Variants in EFCAB6 observed in about 807,000 individuals in gnomAD.
EFCAB6 encodes the protein EF-hand calcium binding domain 6.
A neutral mutation model predicts 169.8 loss-of-function variants in EFCAB6; 156 were observed. That is an observed-to-expected ratio of 0.92 (90% confidence interval 0.81 to 1.05). The LOEUF (loss-of-function observed/expected upper bound fraction) is 1.05. EFCAB6 is among the 50% of genes least tolerant of loss of function. EFCAB6 has a pLI of 0.00. For synonymous variants in EFCAB6, 698 were observed against 676.4 expected (o/e 1.03, Z -0.50); for missense variants, 1,800 against 1,829.1 (o/e 0.98, Z 0.29).
intron 17 of EFCAB6, among the ~76,000 whole-genome samples, chr22:43,639,678 T>C (rs137738): frequency 0.55 from 83,932 of 151,978 alleles, 23,487 homozygotes; most frequent in East Asian, 0.77. Flanking sequence ...ATATTAGGGC[T>C]TTTCACCAAA....
At chr22:43,629,195 A>G (rs567254115) in intron 19 of EFCAB6, among the ~76,000 whole-genome samples, 83 of 152,298 alleles carry the variant, frequency 5.4e-4, no homozygotes, top group African/African-American at 1.9e-3. Flanking sequence ...GAGATCATAC[A>G]TGGCTAATCT....
intron 24 of EFCAB6, among the ~76,000 whole-genome samples, chr22:43,589,679 T>C (rs891635729): frequency 2.0e-5 from 3 of 152,086 alleles, no homozygotes; most frequent in Admixed American, 6.6e-5. Context: ...TCCCAGCTAC[T>C]TGGGAGCCTG....
rs1047830437 is a variant in EFCAB6 at position 43,795,005 on chromosome 22, G to C, written c.-7-12680C>G. On this transcript the variant is annotated intron_variant, in intron 2 of 31. Coordinates refer to ENST00000262726, the MANE Select transcript of EFCAB6 (RefSeq NM_022785.4). The surrounding 1 kb of genome is among the most constrained non-coding windows in gnomAD (Gnocchi z 4.2). ...ACTATGGCCACGCATTTGGGACACA[G>C]TCTCCCTCCACCAAGGAGCTCCCCA... Among the ~76,000 whole-genome samples, 7 of 152,132 alleles carry C rather than the reference G, an allele frequency of 4.6e-5. No homozygotes were observed. Among genetic ancestry groups the C allele is most frequent in the African/African-American group, 1.7e-4 (7 of 41,400 alleles).
rs540520737 is a variant in EFCAB6, at chr22:43,633,752, C to T, written c.2098+1350G>A. ...GTGGGCAGATGGATGGGGGACAGGG[C>T]GCCCCAAGCTCGTGGGCATCCTCTG... is the stretch of plus-strand genomic sequence containing the variant. On this transcript the variant is annotated intron_variant, in intron 18 of 31. Transcript: ENST00000262726. Among the ~76,000 whole-genome samples, 62 of 152,252 alleles carry T rather than the reference C, an allele frequency of 4.1e-4. No homozygotes were observed. In the Middle Eastern group the frequency reaches 0.02, roughly 50 times the overall value.
chr22:43,749,070 T>C (rs1183621086), intron 6 of EFCAB6, among the ~76,000 whole-genome samples: 1 of 152,092 alleles, frequency 6.6e-6, no homozygotes, highest in Non-Finnish European at 1.5e-5. Context: ...GCAGTAGGGA[T>C]GGATCAGAAG....
chr22:43,660,889 G>C (rs1335126348), intron 17 of EFCAB6, among the ~76,000 whole-genome samples: 1 of 152,146 alleles, frequency 6.6e-6, no homozygotes, highest in African/African-American at 2.4e-5. Context: ...TGTTCTCAGA[G>C]ACAAAAATAA....
At chr22:43,652,165 T>A (rs888869639) in intron 17 of EFCAB6, among the ~76,000 whole-genome samples, 5 of 152,182 alleles carry the variant, frequency 3.3e-5, no homozygotes, top group Admixed American at 6.5e-5. Context: ...TCATCTTGAA[T>A]TCCCATGTGT....
In EFCAB6 at chr22:43,765,370, A is replaced by T; in HGVS notation, c.375T>A (p.Thr125=). The change falls in exon 5 of 32, where the codon ACT becomes ACA. Residue 125 remains threonine (T), a synonymous_variant. Coordinates refer to ENST00000262726, the MANE Select transcript of EFCAB6 (RefSeq NM_022785.4). ...TGGACAGAAAGGCAAGGTACGGTAC[A>T]GTACCAGAGGTGCTAAGGGGGATCT... The part of the protein sequence containing the change: ...LAQIPLSTSG[T]VPYLAFLSRF... 1 of 1,612,522 alleles carries T rather than the reference A, an allele frequency of 6.2e-7. No individual in the cohort carries two copies. The highest frequency in any genetic ancestry group is 1.7e-5 in the Admixed American group (1 of 59,962).
At chr22:43,651,284 C>T (rs562697848) in intron 17 of EFCAB6, among the ~76,000 whole-genome samples, 3 of 152,320 alleles carry the variant, frequency 2.0e-5, no homozygotes, top group African/African-American at 4.8e-5. Flanking sequence ...CCAGCCATGG[C>T]TGAAAGGGGC....
At chr22:43,786,591 G>A (rs1033614209) in intron 2 of EFCAB6, among the ~76,000 whole-genome samples, 2 of 151,946 alleles carry the variant, frequency 1.3e-5, no homozygotes, top group African/African-American at 2.4e-5. Context: ...GCATGGTGGC[G>A]GGCACCTGTA....
intron 24 of EFCAB6, 35 bp downstream of exon 24, chr22:43,590,039 C>A: frequency 6.3e-7 from 1 of 1,595,798 alleles, no homozygotes; most frequent in Admixed American, 1.7e-5. Context: ...TTTTTCAGGG[C>A]CATGAGAAAC....
chr22:43,791,371 C>CA (rs34928477), intron 2 of EFCAB6, among the ~76,000 whole-genome samples: 44,068 of 114,656 alleles, frequency 0.38, 6,869 homozygotes, highest in Middle Eastern at 0.46. Flanking sequence ...GAGACTGCCT[C>CA]AAAAAAAAAA....
Position 43,537,866 on chromosome 22 carries a change from T to C in EFCAB6, c.3880-321A>G, listed in dbSNP as rs1217116760. Among the ~76,000 whole-genome samples the C allele has an allele frequency of 6.6e-6, 1 of 152,160 alleles. No homozygotes were observed. Among genetic ancestry groups the C allele is most frequent in the Non-Finnish European group, 1.5e-5 (1 of 68,032 alleles). On this transcript the variant is annotated intron_variant, in intron 28 of 31. Transcript: ENST00000262726. The surrounding 1 kb of genome is among the most constrained non-coding windows in gnomAD (Gnocchi z 4.3). ...GTGTGTGAGAAGTGACAACGACAAA[T>C]TTTTTCACTAGCGGAAGAGTCTTAT...
chr22:43,581,456 C>G (rs77038592), intron 24 of EFCAB6, among the ~76,000 whole-genome samples: 1 of 152,170 alleles, frequency 6.6e-6, no homozygotes, highest in Non-Finnish European at 1.5e-5. Context: ...GACTCTGACA[C>G]AGAAGAAATT....
intron 5 of EFCAB6, among the ~76,000 whole-genome samples, chr22:43,756,055 C>T (rs1349478151): frequency 6.6e-6 from 1 of 152,166 alleles, no homozygotes. Flanking sequence ...GCATTTACTC[C>T]TCCTAAGGTA....
chr22:43,702,466 T>A (rs992799138), intron 10 of EFCAB6, among the ~76,000 whole-genome samples: 1 of 152,184 alleles, frequency 6.6e-6, no homozygotes, highest in Non-Finnish European at 1.5e-5. Context: ...AGAAATGGTC[T>A]CATTTTAACC....
chr22:43,572,631 G>A lies in EFCAB6; in HGVS notation c.3420+3666C>T, dbSNP rs1002886388. ...TGGATGCCATCGCACTAGCAGTGCC[G>A]GCCAGTCCCTTGCCCGATGTCACTG... On this transcript the variant is annotated intron_variant, in intron 26 of 31. Transcript: ENST00000262726. The surrounding 1 kb of genome is among the most constrained non-coding windows in gnomAD (Gnocchi z 4.0). Among the ~76,000 whole-genome samples the A allele has an allele frequency of 4.6e-5, 7 of 152,132 alleles. No individual in the cohort carries two copies. The highest frequency in any genetic ancestry group is 7.2e-5 in the African/African-American group (3 of 41,434).
chr22:43,764,727 A>C (rs1195108254), intron 5 of EFCAB6, among the ~76,000 whole-genome samples: 2 of 152,234 alleles, frequency 1.3e-5, no homozygotes, highest in East Asian at 1.9e-4. Context: ...TATTTTTATT[A>C]CTAAAACAAT....
intron 18 of EFCAB6, among the ~76,000 whole-genome samples, chr22:43,634,421 G>A (rs1353452327): frequency 1.3e-5 from 2 of 152,048 alleles, no homozygotes; most frequent in East Asian, 1.9e-4. Flanking sequence ...CACCTCACAC[G>A]GTCATCTCCA....
Sources: allele counts gnomAD v4.1 joint callset (sites outside exome capture counted in the v4.1 genomes callset), GRCh38; gene constraint gnomAD v4.1.1; non-coding constraint Gnocchi (gnomAD v3.1); transcripts MANE v1.5; gene names NCBI Gene and HGNC (gene_info 2026-07-23, HGNC 2026-07-21).